ALMS1: variants seen among roughly 807,000 people sequenced by gnomAD.
ALMS1 encodes the protein ALMS1 centrosome and basal body associated protein.
ALMS1 carries 271 observed loss-of-function variants against 352.2 expected under a neutral mutation model. The ratio of observed to expected loss-of-function variants is 0.77; its 90% CI spans 0.70 to 0.85. The LOEUF is 0.85. Ranked by LOEUF, ALMS1 falls within the 40% of genes least tolerant of loss-of-function variation. ALMS1 has a pLI of 0.00. For missense variants in ALMS1, 5,445 were observed against 4,870.7 expected (o/e 1.12, Z -3.51); for synonymous variants, 1,865 against 1,761.2 (o/e 1.06, Z -1.48).
Position 73,527,591 on chromosome 2 carries a change from C to T in ALMS1, c.9782-7233C>T, listed in dbSNP as rs188303953. On this transcript the variant is annotated intron_variant, in intron 11 of 22. Coordinates refer to ENST00000613296, the MANE Select transcript of ALMS1 (RefSeq NM_001378454.1). ...TAGTGTCTCATCATCCTTTAAATTT[C>T]TGTGCTATAGGTTGTAATGTCTCCC... Among the ~76,000 whole-genome samples the T allele has an allele frequency of 5.9e-4, 90 of 151,988 alleles. 1 individual carries two copies. In the South Asian group the frequency reaches 0.014, roughly 23 times the overall value.
intron 13 of ALMS1, among the ~76,000 whole-genome samples, chr2:73,556,638 T>A (rs1674548392): frequency 7.5e-6 from 1 of 133,160 alleles, no homozygotes; most frequent in South Asian, 2.1e-4. Context: ...CTTTCCTTTT[T>A]TTTTTTGTTT....
intron 12 of ALMS1, among the ~76,000 whole-genome samples, chr2:73,539,982 C>T (rs1435297432): frequency 6.6e-6 from 1 of 152,154 alleles, no homozygotes; most frequent in East Asian, 1.9e-4. Flanking sequence ...CCCAATCTAG[C>T]AAGGCAGGCC....
intron 10 of ALMS1, among the ~76,000 whole-genome samples, chr2:73,498,000 C>T (rs774603647): frequency 2.0e-5 from 3 of 151,948 alleles, no homozygotes; most frequent in Non-Finnish European, 2.9e-5. Flanking sequence ...GCAATAAAGC[C>T]GATCACATGA....
At chr2:73,551,876 T>A (rs1460155657) in intron 13 of ALMS1, among the ~76,000 whole-genome samples, 1 of 152,210 alleles carries the variant, frequency 6.6e-6, no homozygotes, top group Non-Finnish European at 1.5e-5. Context: ...TTTGTTACAT[T>A]TATACTTTTT....
At chr2:73,585,457 G>A (rs955922648) in intron 16 of ALMS1, among the ~76,000 whole-genome samples, 1 of 145,948 alleles carries the variant, frequency 6.9e-6, no homozygotes, top group Non-Finnish European at 1.5e-5. Context: ...GCAGTGGCAT[G>A]GTCTTGGCTC....
At chr2:73,503,538 G>C (rs184712111) in intron 10 of ALMS1, among the ~76,000 whole-genome samples, 1 of 152,250 alleles carries the variant, frequency 6.6e-6, no homozygotes, top group East Asian at 1.9e-4. Context: ...TTGCTGTTGT[G>C]AATAGTGCCG....
Position 73,477,707 on chromosome 2 carries a change from C to G in ALMS1, c.7675-11927C>G, listed in dbSNP as rs1176464307. On this transcript the variant is annotated intron_variant, in intron 9 of 22. Coordinates refer to ENST00000613296, the MANE Select transcript of ALMS1 (RefSeq NM_001378454.1). ...ATATTTATTTTGCTAAATATATTCT[C>G]AAGTATTTAATTCTTTTTCTTGCTG... Among the ~76,000 whole-genome samples the G allele has an allele frequency of 2.6e-5, 4 of 152,100 alleles. No homozygotes were observed. The East Asian group carries it at 7.7e-4, about 29-fold the overall frequency.
At chr2:73,494,274 AG>A (rs950171349) in intron 10 of ALMS1, among the ~76,000 whole-genome samples, 207 of 152,256 alleles carry the variant, frequency 1.4e-3, no homozygotes, top group African/African-American at 4.8e-3. Flanking sequence ...CTCTCACCCA[AG>A]GGTTGGGAAT....
At chr2:73,605,797 C>T (rs565432713) in intron 21 of ALMS1, among the ~76,000 whole-genome samples, 3 of 151,656 alleles carry the variant, frequency 2.0e-5, no homozygotes, top group Admixed American at 6.6e-5. Context: ...GAGCCAAGAT[C>T]GCGCCACTGC....
chr2:73,455,579 T>A (rs1672043332), intron 9 of ALMS1, among the ~76,000 whole-genome samples: 1 of 152,184 alleles, frequency 6.6e-6, no homozygotes, highest in Non-Finnish European at 1.5e-5. Flanking sequence ...AATTTTTAAA[T>A]TTTTGGCAGA....
chr2:73,521,288 C>T (rs1318817749), intron 11 of ALMS1, among the ~76,000 whole-genome samples: 2 of 152,006 alleles, frequency 1.3e-5, no homozygotes, highest in East Asian at 3.9e-4. Context: ...TACTCACAGG[C>T]TTATGGGTCA....
chr2:73,566,802 G>T (rs889718837), intron 15 of ALMS1, among the ~76,000 whole-genome samples: 5 of 152,226 alleles, frequency 3.3e-5, no homozygotes, highest in Non-Finnish European at 7.3e-5. Context: ...CCAAATTGGG[G>T]TGGTGGGGAG....
At chr2:73,506,096 G>T (rs1673314407) in intron 10 of ALMS1, among the ~76,000 whole-genome samples, 1 of 152,200 alleles carries the variant, frequency 6.6e-6, no homozygotes, top group Admixed American at 6.5e-5. Flanking sequence ...TCAGATGGTT[G>T]TAGATGTGTG....
chr2:73,490,744 C>T lies in ALMS1; in HGVS notation c.8785C>T (p.Leu2929Phe). The change falls in exon 10 of 23, where the codon CTC (leucine) becomes TTC (phenylalanine). Residue 2929 changes from leucine (L) to phenylalanine (F), a missense_variant. By Grantham distance (22) the Leu-to-Phe change is conservative (BLOSUM62 0). Transcript: ENST00000613296. Reference sequence around the variant, plus strand: ...TTGCATTTTTCTTGAACAACGAGAACTCTTTGAACAGTGCAAAGCCCCATA... The same window carrying T: ...TTGCATTTTTCTTGAACAACGAGAATTCTTTGAACAGTGCAAAGCCCCATA... ...PSCIFLEQRE[L>F]FEQCKAPYVD... 1 of 1,614,146 alleles carries T rather than the reference C, an allele frequency of 6.2e-7. No individual in the cohort carries two copies. The highest frequency in any genetic ancestry group is 8.5e-7 in the Non-Finnish European group (1 of 1,180,014).
chr2:73,410,691 T>C lies in ALMS1; in HGVS notation c.450+1944T>C, dbSNP rs76488361. Among the ~76,000 whole-genome samples the C allele has an allele frequency of 6.6e-4, 101 of 152,296 alleles. No individual in the cohort carries two copies. The East Asian group carries it at 0.018, about 28-fold the overall frequency. ...GGTGTCAGTGACCCTCAGGGATTTTTGGACTACACTTTGAGAACCACTTTT... is the reference window on the plus strand; with the variant it reads ...GGTGTCAGTGACCCTCAGGGATTTTCGGACTACACTTTGAGAACCACTTTT... On this transcript the variant is annotated intron_variant, in intron 2 of 22. Coordinates refer to ENST00000613296, the MANE Select transcript of ALMS1 (RefSeq NM_001378454.1).
At position 73,575,852 on chromosome 2, in the gene ALMS1, ATT is replaced by A. The variant is rs112224769; in HGVS notation, c.11547+2437_11547+2438del. Among the ~76,000 whole-genome samples, 175 of 150,018 alleles carry A rather than the reference ATT, an allele frequency of 1.2e-3. 1 individual carries two copies. The highest frequency in any genetic ancestry group is 1.4e-3 in the Non-Finnish European group (95 of 67,238). ...AATTTTGATGTAGTCCAATTTAGCT[ATT>A]TTTTTTTTGTTTTTTGTGCTTTTGG... On this transcript the variant is annotated intron_variant, in intron 16 of 22. Transcript: ENST00000613296.
At chr2:73,408,862 GTCTTT>G in intron 2 of ALMS1, 115 bp downstream of exon 2, 2 of 177,832 alleles carry the variant, frequency 1.1e-5, no homozygotes, top group Non-Finnish European at 9.6e-6. Context: ...ATGTTTTCTT[GTCTTT>G]TTTTTTTTTT....
chr2:73,476,043 TC>T (rs751571596), intron 9 of ALMS1, among the ~76,000 whole-genome samples: 1 of 151,978 alleles, frequency 6.6e-6, no homozygotes, highest in African/African-American at 2.4e-5. Flanking sequence ...AAACAACAAC[TC>T]CCCATTTTCC....
intron 9 of ALMS1, chr2:73,469,409 A>G (rs559376509): frequency 9.9e-5 from 15 of 152,084 alleles, no homozygotes; most frequent in African/African-American, 3.4e-4. Flanking sequence ...GGAAAAACAT[A>G]CAATGTGGTA....
Sources: allele counts gnomAD v4.1 joint callset (sites outside exome capture counted in the v4.1 genomes callset), GRCh38; gene constraint gnomAD v4.1.1; transcripts MANE v1.5; gene names NCBI Gene and HGNC (gene_info 2026-07-23, HGNC 2026-07-21).